Variants in CSGALNACT1 observed in about 807,000 individuals in gnomAD.
The protein encoded by CSGALNACT1 is chondroitin sulfate N-acetylgalactosaminyltransferase 1.
In CSGALNACT1, 52 loss-of-function variants were observed where a neutral mutation model predicts 51.0. The ratio of observed to expected loss-of-function variants is 1.02; its 90% confidence interval spans 0.82 to 1.29. The LOEUF (loss-of-function observed/expected upper bound fraction) is 1.29, where lower values mean the gene tolerates loss of function less well. Ranked by LOEUF, CSGALNACT1 falls within the 50% of genes most tolerant of loss-of-function variation. The pLI, the probability that CSGALNACT1 is intolerant of heterozygous loss-of-function variation, is 0.00. For synonymous variants in CSGALNACT1, 341 were observed against 254.4 expected, an observed-to-expected ratio of 1.34 and a Z score of -3.24; for missense variants, 935 against 679.2, an observed-to-expected ratio of 1.38 and a Z score of -4.19.
chr8:19,553,312 T>TAC (rs2088690861), intron 3 of CSGALNACT1, among the ~76,000 whole-genome samples: 2 of 151,920 alleles, frequency 1.3e-5, no homozygotes, highest in East Asian at 3.9e-4. Flanking sequence ...TATTAAATGG[T>TAC]ACCCTAAAGG....
chr8:19,418,835 C>T (rs2057382566), intron 7 of CSGALNACT1, 85 bp from the exon 7 acceptor site: 2 of 928,540 alleles, frequency 2.2e-6, no homozygotes, highest in South Asian at 2.7e-5. Context: ...TCTGAAACAC[C>T]CCAGATATTT....
chr8:19,410,556 A>G lies in CSGALNACT1; in HGVS notation c.1228-1862T>C, dbSNP rs1459370975. The stretch of plus-strand genomic sequence containing the variant: ...TGGAATTTAAAAAGGAACGCTCCGA[A>G]CAGGAAAAACAATTGGCCAAGCCTT... On this transcript the variant is annotated intron_variant, in intron 8 of 9. Transcript: ENST00000454498. Among the ~76,000 whole-genome samples the G allele has an allele frequency of 2.0e-5, 3 of 152,196 alleles. No homozygotes were observed. In the East Asian group the frequency reaches 5.8e-4, roughly 29 times the overall value.
At chr8:19,507,873 C>T (rs574784236) in intron 3 of CSGALNACT1, among the ~76,000 whole-genome samples, 8 of 152,320 alleles carry the variant, frequency 5.3e-5, no homozygotes, top group African/African-American at 1.9e-4. Flanking sequence ...GTGATCCGCC[C>T]GCCTCGGCCT....
In CSGALNACT1 at chr8:19,518,264, G is replaced by C. The variant is rs546941716; in HGVS notation, c.-296-12134C>G. On this transcript the variant is annotated intron_variant, in intron 3 of 9. Transcript: ENST00000454498. ...TTTCTAACTAAGAGCAGCCTGAAAA[G>C]TGGAGCCCCAGACATACATAAGCAA... 3.9e-5 allele frequency among the ~76,000 whole-genome samples: 6 copies of C among 152,310 alleles called. No homozygotes were observed. In the East Asian group the frequency reaches 1.2e-3, roughly 29 times the overall value.
intron 1 of CSGALNACT1, among the ~76,000 whole-genome samples, chr8:19,652,089 C>T (rs1363494820): frequency 6.6e-6 from 1 of 151,858 alleles, no homozygotes; most frequent in African/African-American, 2.4e-5. Context: ...ACCACCACAC[C>T]CAGCTAATTT....
chr8:19,726,246 T>C (rs1325746141), intron 1 of CSGALNACT1, among the ~76,000 whole-genome samples: 1 of 152,212 alleles, frequency 6.6e-6, no homozygotes, highest in Non-Finnish European at 1.5e-5. Context: ...AACAATAATA[T>C]ATAGAGCCTT....
intron 5 of CSGALNACT1, among the ~76,000 whole-genome samples, chr8:19,452,412 C>A (rs886555897): frequency 1.1e-5 from 1 of 88,654 alleles, no homozygotes; most frequent in Non-Finnish European, 2.5e-5. Context: ...GAACTAACCC[C>A]TGGGGGAAAA....
chr8:19,461,382 G>C (rs1287788196), intron 4 of CSGALNACT1, among the ~76,000 whole-genome samples: 1 of 152,160 alleles, frequency 6.6e-6, no homozygotes, highest in Non-Finnish European at 1.5e-5. Flanking sequence ...AGGTGGGGCT[G>C]AGTCTGAAAG....
intron 3 of CSGALNACT1, among the ~76,000 whole-genome samples, chr8:19,517,018 C>T (rs146592848): frequency 2.8e-3 from 420 of 152,324 alleles, no homozygotes; most frequent in Non-Finnish European, 4.5e-3. Context: ...AGTTGAGATG[C>T]CTCAAACCTG....
At chr8:19,695,471 C>A (rs1440330596) in intron 1 of CSGALNACT1, among the ~76,000 whole-genome samples, 1 of 152,154 alleles carries the variant, frequency 6.6e-6, no homozygotes, top group African/African-American at 2.4e-5. Flanking sequence ...CCTTCTATAA[C>A]AAGGAAGTTG....
In CSGALNACT1 at chr8:19,514,475, CTATATATA is replaced by C. The variant is rs33928915; in HGVS notation, c.-296-8353_-296-8346del. ...GCATCATATGACTTTTGAACAGAGA[CTATATATA>C]TATATATATATATATATATATATAT... On this transcript the variant is annotated intron_variant, in intron 3 of 9. Coordinates refer to ENST00000454498, the Ensembl canonical transcript of CSGALNACT1. Among the ~76,000 whole-genome samples the C allele has an allele frequency of 7.0e-3, 552 of 78,818 alleles. 31 individuals carry two copies. Among genetic ancestry groups the C allele is most frequent in the African/African-American group, 0.03 (495 of 16,742 alleles). 51.7% of individuals were successfully genotyped at this position (78,818 alleles called of 152,430 possible). A position where few individuals can be genotyped will look rare whatever the true frequency, so the allele number is the denominator to read the frequency against.
intron 3 of CSGALNACT1, among the ~76,000 whole-genome samples, chr8:19,553,177 T>C (rs922824480): frequency 1.3e-5 from 2 of 151,956 alleles, no homozygotes; most frequent in Non-Finnish European, 2.9e-5. Flanking sequence ...TAAAAACAAG[T>C]GTAAGATAAT....
In CSGALNACT1 at chr8:19,592,976, T is replaced by C. The variant is rs190114343; in HGVS notation, c.-415-1698A>G. 6.7e-3 allele frequency among the ~76,000 whole-genome samples: 1,021 copies of C among 152,330 alleles called. 13 individuals are homozygous for C. The highest frequency in any genetic ancestry group is 0.023 in the African/African-American group (970 of 41,564). On this transcript the variant is annotated intron_variant, in intron 2 of 9. Transcript: ENST00000454498. ...ATTAAATGCTTTTTGACTTACAATA[T>C]TTTTGACTTACAATAGGCTTATCCA...
At chr8:19,423,359 C>G (rs1379412570) in intron 6 of CSGALNACT1, among the ~76,000 whole-genome samples, 1 of 152,214 alleles carries the variant, frequency 6.6e-6, no homozygotes, top group African/African-American at 2.4e-5. Context: ...AATGACGAGT[C>G]TACAAGTGAT....
Position 19,489,694 on chromosome 8 carries a change from T to C in CSGALNACT1, c.634+15507A>G, listed in dbSNP as rs370244684. Among the ~76,000 whole-genome samples the C allele has an allele frequency of 4.1e-4, 63 of 152,328 alleles. 1 individual carries two copies. In the South Asian group the frequency reaches 0.012, roughly 30 times the overall value. ...TATGAAAATGGAGCATAAGGAATCT[T>C]TGCACCATCGAGGGTCCCATATTGT... is the stretch of plus-strand genomic sequence containing the variant. On this transcript the variant is annotated intron_variant, in intron 4 of 9. Transcript: ENST00000454498.
chr8:19,466,860 G>T (rs12543223), intron 4 of CSGALNACT1, among the ~76,000 whole-genome samples: 25,838 of 152,106 alleles, frequency 0.17, 2,423 homozygotes, highest in African/African-American at 0.24. Flanking sequence ...TGTCCTCACT[G>T]GTTTTATTTC....
At chr8:19,652,609 T>A (rs2057912614) in intron 1 of CSGALNACT1, among the ~76,000 whole-genome samples, 1 of 152,160 alleles carries the variant, frequency 6.6e-6, no homozygotes, top group Admixed American at 6.6e-5. Context: ...CAAAACATAA[T>A]GAGCCCCATC....
intron 1 of CSGALNACT1, among the ~76,000 whole-genome samples, chr8:19,717,116 T>G (rs2062855077): frequency 6.6e-6 from 1 of 152,220 alleles, no homozygotes; most frequent in South Asian, 2.1e-4. Context: ...CAGGTGTTAG[T>G]TTCTTGTAAA....
At chr8:19,716,610 T>TA (rs1564464240) in intron 1 of CSGALNACT1, among the ~76,000 whole-genome samples, 1 of 5,810 alleles carries the variant, frequency 1.7e-4, no homozygotes, top group Non-Finnish European at 3.2e-4. Context: ...AAACCCTCTC[T>TA]ACAAAAAAAA....
Sources: gnomAD v4.1 joint callset for allele counts (sites outside exome capture counted in the v4.1 genomes callset) on GRCh38, gnomAD v4.1.1 for gene constraint, MANE v1.5 for transcripts, NCBI Gene and HGNC (gene_info 2026-07-23, HGNC 2026-07-21) for gene names.